PRR14L: variants seen among roughly 807,000 people sequenced by gnomAD.
The protein encoded by PRR14L is proline rich 14 like, also known as protein PRR14L.
PRR14L carries 80 observed loss-of-function variants against 155.0 expected under a neutral mutation model. The observed-to-expected ratio is 0.52, with a 90% CI of 0.43 to 0.62. PRR14L has a LOEUF of 0.62. Ranked by LOEUF, PRR14L falls within the 20% of genes least tolerant of loss-of-function variation. The pLI is 0.00. For synonymous variants in PRR14L, 883 were observed against 916.0 expected (o/e 0.96, Z 0.65); for missense variants, 2,469 against 2,548.0 (o/e 0.97, Z 0.67).
intron 1 of PRR14L, among the ~76,000 whole-genome samples, chr22:31,748,506 C>G (rs9621331): frequency 0.074 from 11,242 of 152,244 alleles, 475 homozygotes; most frequent in South Asian, 0.18. Context: ...AGATTTTCCT[C>G]TGTTTTATAA....
In PRR14L at chr22:31,715,263, T is replaced by C. The variant is rs1342047237; in HGVS notation, c.2576A>G (p.Asp859Gly). The change falls in exon 4 of 9, where the codon GAT becomes GGT. Residue 859 changes from aspartate to glycine, a missense_variant. This residue lies in a region of PRR14L where 2,363 missense variants were observed against 2,371.6 expected (regional missense o/e 1.00). Transcript: ENST00000327423. ...VSYTSQEREL[D>G]GKETNGSLPG... The stretch of plus-strand genomic sequence containing the variant: ...AAGGCTGCCATTCGTTTCTTTCCCA[T>C]CAAGTTCCCTTTCCTGTGATGTGTA... The C allele has an allele frequency of 6.4e-7, 1 of 1,552,312 alleles. No homozygotes were observed. Among genetic ancestry groups the C allele is most frequent in the Non-Finnish European group, 8.7e-7 (1 of 1,147,120 alleles).
chr22:31,703,819 A>AG, intron 5 of PRR14L, 98 bp from the exon 6 acceptor site: 1 of 750,942 alleles, frequency 1.3e-6, no homozygotes, highest in South Asian at 2.3e-5. Context: ...TTTTTTGAGA[A>AG]GGAGTTTTGC....
At chr22:31,735,776 G>A (rs1386415472) in intron 2 of PRR14L, among the ~76,000 whole-genome samples, 2 of 151,760 alleles carry the variant, frequency 1.3e-5, no homozygotes, top group African/African-American at 2.4e-5. Context: ...TTGGCCGGGC[G>A]CAGTGGCTCA....
chr22:31,726,030 G>A (rs1430601268), intron 2 of PRR14L, among the ~76,000 whole-genome samples: 11 of 151,994 alleles, frequency 7.2e-5, no homozygotes. Flanking sequence ...GCAGTCACAA[G>A]GATTGGGCAC....
chr22:31,696,146 ATT>A (rs759157984), intron 7 of PRR14L, among the ~76,000 whole-genome samples: 16,536 of 136,932 alleles, frequency 0.12, 1,215 homozygotes, highest in African/African-American at 0.22. Context: ...TATTATTATA[ATT>A]TTTTTTTTTT....
chr22:31,738,273 C>T (rs943572700), intron 2 of PRR14L, 114 bp downstream of exon 2: 11 of 901,776 alleles, frequency 1.2e-5, no homozygotes, highest in Non-Finnish European at 1.8e-5. Flanking sequence ...TCAAAATCGA[C>T]ATTTCGGAAA....
chr22:31,724,652 C>T (rs2074707498), intron 3 of PRR14L, among the ~76,000 whole-genome samples: 1 of 152,206 alleles, frequency 6.6e-6, no homozygotes, highest in African/African-American at 2.4e-5. Context: ...CCCACCCTGG[C>T]CTCCCAAAGT....
intron 3 of PRR14L, among the ~76,000 whole-genome samples, chr22:31,717,587 T>A (rs1015860470): frequency 2.0e-5 from 3 of 152,198 alleles, no homozygotes; most frequent in Non-Finnish European, 4.4e-5. Flanking sequence ...TATGTTCCTA[T>A]GTTGTATTCT....
At chr22:31,707,118 A>G (rs1189570514) in intron 4 of PRR14L, among the ~76,000 whole-genome samples, 1 of 152,172 alleles carries the variant, frequency 6.6e-6, no homozygotes, top group Non-Finnish European at 1.5e-5. Flanking sequence ...CATGATGTTA[A>G]GGTATTTTTA....
intron 7 of PRR14L, among the ~76,000 whole-genome samples, chr22:31,696,983 C>T (rs1234377762): frequency 6.6e-6 from 1 of 152,050 alleles, no homozygotes; most frequent in Non-Finnish European, 1.5e-5. Flanking sequence ...GGTGTGGTGG[C>T]GTGTGCCTGT....
Position 31,715,944 on chromosome 22 carries a change from A to T in PRR14L, c.1895T>A (p.Met632Lys). ...TTCATTGGTACAAGAAAGTTCATTC[A>T]TCTCACAGGCTATGCTCTGTTCATC... Reference protein sequence around the residue: ...LLDEQSIACEMNELSCTNELV... With the variant: ...LLDEQSIACEKNELSCTNELV... The change falls in exon 4 of 9, where the codon ATG becomes AAG. Residue 632 changes from methionine to lysine, a missense_variant. By Grantham distance (95) the Met-to-Lys change is moderately conservative (BLOSUM62 -1). Transcript: ENST00000327423. 6.4e-7 allele frequency: 1 copy of T among 1,551,780 alleles called. No individual in the cohort carries two copies. The highest frequency in any genetic ancestry group is 8.7e-7 in the Non-Finnish European group (1 of 1,146,970).
chr22:31,733,679 CAGAA>C (rs1222555374), intron 2 of PRR14L, among the ~76,000 whole-genome samples: 1 of 152,110 alleles, frequency 6.6e-6, no homozygotes, highest in Non-Finnish European at 1.5e-5. Flanking sequence ...AACTGCTCCT[CAGAA>C]AGGTTGTATC....
intron 2 of PRR14L, among the ~76,000 whole-genome samples, chr22:31,734,025 T>A (rs1189853872): frequency 1.3e-5 from 2 of 152,050 alleles, no homozygotes; most frequent in Non-Finnish European, 2.9e-5. Flanking sequence ...CAGGCTGGAG[T>A]GCAGTGGCAC....
chr22:31,737,407 G>C (rs1254654940), intron 2 of PRR14L, among the ~76,000 whole-genome samples: 1 of 151,780 alleles, frequency 6.6e-6, no homozygotes, highest in Non-Finnish European at 1.5e-5. Context: ...CTTGAACCTG[G>C]GAGGCAGAGG....
chr22:31,715,898 T>G lies in PRR14L; in HGVS notation c.1941A>C (p.Glu647Asp), dbSNP rs1014827845. 1.3e-5 allele frequency: 20 copies of G among 1,551,460 alleles called. No individual in the cohort carries two copies. The Admixed American group carries it at 3.1e-4, about 24-fold the overall frequency. The change falls in exon 4 of 9, where the codon GAA becomes GAC. Residue 647 changes from glutamate to aspartate, a missense_variant. By Grantham distance (45) the Glu-to-Asp change is conservative (BLOSUM62 2). This residue lies in a region of PRR14L where 2,363 missense variants were observed against 2,371.6 expected (regional missense o/e 1.00). Transcript: ENST00000327423. ...CTTGTTGATTTAAAACACATTCACT[T>G]TCTACTTTGTTTACAACCAGTTCAT... ...CTNELVVNKV[E>D]SECVLNQQVS...
chr22:31,706,019 A>C (rs990931185), intron 4 of PRR14L, among the ~76,000 whole-genome samples: 2 of 148,200 alleles, frequency 1.3e-5, no homozygotes, highest in Admixed American at 6.8e-5. Flanking sequence ...AACTAAACAA[A>C]ACAACATAGC....
intron 3 of PRR14L, among the ~76,000 whole-genome samples, chr22:31,721,123 G>A (rs973668469): frequency 7.9e-5 from 12 of 152,144 alleles, no homozygotes; most frequent in African/African-American, 2.9e-4. Flanking sequence ...CCGAAAGGGT[G>A]AGGAACCAGC....
chr22:31,738,270 C>T (rs1033833832), intron 2 of PRR14L, 117 bp downstream of exon 2: 13 of 877,178 alleles, frequency 1.5e-5, no homozygotes, highest in Admixed American at 5.8e-5. Context: ...ACTTCAAAAT[C>T]GACATTTCGG....
In PRR14L at chr22:31,713,211, TTACCTA is replaced by T; in HGVS notation, c.4622_4627del (p.Ile1541_Gly1542del). On this transcript the variant is annotated inframe_deletion, in exon 4 of 9. Transcript: ENST00000327423. ...CTTTAAAAAGGCAGAACTTCTGATT[TTACCTA>T]TTTTTCTCCCAACAATGATTTGCTC... is the stretch of plus-strand genomic sequence containing the variant. 1.3e-6 allele frequency: 2 copies of T among 1,551,838 alleles called. No homozygotes were observed. Among genetic ancestry groups the T allele is most frequent in the Non-Finnish European group, 1.7e-6 (2 of 1,147,026 alleles).
Sources: allele counts gnomAD v4.1 joint callset (sites outside exome capture counted in the v4.1 genomes callset), GRCh38; gene constraint gnomAD v4.1.1; regional missense constraint gnomAD v4.1.1; transcripts MANE v1.5; gene names NCBI Gene and HGNC (gene_info 2026-07-23, HGNC 2026-07-21).